The following KIAA1328 variants were observed in gnomAD, a reference collection of about 807,000 sequenced individuals.
KIAA1328 encodes the protein protein hinderin.
A neutral mutation model predicts 68.1 loss-of-function variants in KIAA1328; 52 were observed. The observed-to-expected ratio is 0.76, with a 90% confidence interval of 0.61 to 0.96. KIAA1328 has a LOEUF of 0.96. KIAA1328 is among the 40% of genes least tolerant of loss of function. The pLI, the probability that KIAA1328 is intolerant of heterozygous loss-of-function variation, is 0.00. For missense variants in KIAA1328, 641 were observed against 677.6 expected, an observed-to-expected ratio of 0.95 and a Z score of 0.60; for synonymous variants, 232 against 239.4, an observed-to-expected ratio of 0.97 and a Z score of 0.28.
intron 5 of KIAA1328, among the ~76,000 whole-genome samples, chr18:36,942,317 A>G (rs1258785987): frequency 6.6e-6 from 1 of 152,212 alleles, no homozygotes. Flanking sequence ...ATTGCTTCCA[A>G]ATACATCAAA....
At chr18:36,968,259 C>G (rs938546687) in intron 6 of KIAA1328, among the ~76,000 whole-genome samples, 18 of 152,116 alleles carry the variant, frequency 1.2e-4, no homozygotes, top group Non-Finnish European at 2.5e-4. Context: ...ATCAAATCCA[C>G]ACATATCAAT....
intron 6 of KIAA1328, among the ~76,000 whole-genome samples, chr18:36,978,118 G>GT (rs1435578966): frequency 6.6e-6 from 1 of 152,172 alleles, no homozygotes; most frequent in Non-Finnish European, 1.5e-5. Context: ...AAGGGAAAAG[G>GT]TAAAGTCTGG....
intron 5 of KIAA1328, among the ~76,000 whole-genome samples, chr18:36,917,103 G>A (rs950803786): frequency 6.6e-6 from 1 of 152,110 alleles, no homozygotes; most frequent in Non-Finnish European, 1.5e-5. Context: ...TAGAATGGTT[G>A]GAAGGTCAGA....
intron 9 of KIAA1328, among the ~76,000 whole-genome samples, chr18:37,202,789 T>C (rs562948674): frequency 1.3e-5 from 2 of 152,300 alleles, no homozygotes; most frequent in South Asian, 4.1e-4. Flanking sequence ...CCATTATTAT[T>C]TGACAATGTG....
chr18:36,995,368 T>G (rs2053349184), intron 6 of KIAA1328, among the ~76,000 whole-genome samples: 1 of 152,180 alleles, frequency 6.6e-6, no homozygotes, highest in African/African-American at 2.4e-5. Context: ...TGATGGACAT[T>G]TGGGTTGGCT....
chr18:36,902,332 T>G (rs1238987743), intron 5 of KIAA1328: 1 of 152,068 alleles, frequency 6.6e-6, no homozygotes, highest in African/African-American at 2.4e-5. Flanking sequence ...AAAATACCAT[T>G]TACATTTTTT....
intron 7 of KIAA1328, among the ~76,000 whole-genome samples, chr18:37,138,266 A>G (rs942260199): frequency 6.6e-6 from 1 of 152,224 alleles, no homozygotes; most frequent in Non-Finnish European, 1.5e-5. Context: ...AATGAGGCCC[A>G]GAGAGGTTAA....
intron 6 of KIAA1328, among the ~76,000 whole-genome samples, chr18:37,005,576 AT>A (rs1194868488): frequency 2.0e-5 from 3 of 152,138 alleles, no homozygotes; most frequent in African/African-American, 7.2e-5. Flanking sequence ...AGAATTACTA[AT>A]TGAACCACTA....
chr18:36,833,322 G>C (rs2046561608), intron 1 of KIAA1328: 1 of 152,144 alleles, frequency 6.6e-6, no homozygotes, highest in Non-Finnish European at 1.5e-5. Flanking sequence ...GTCCTAAAGT[G>C]AGCCATGAAG....
rs558896606 is a variant in KIAA1328, at chr18:37,103,724, AG to A, written c.1232+36180del. Among the ~76,000 whole-genome samples the A allele has an allele frequency of 4.5e-4, 69 of 152,222 alleles. 1 individual carries two copies. The highest frequency in any genetic ancestry group is 2.9e-3 in the South Asian group (14 of 4,814). On this transcript the variant is annotated intron_variant, in intron 7 of 9. Coordinates refer to ENST00000280020, the MANE Select transcript of KIAA1328 (RefSeq NM_020776.3). Reference sequence around the variant, plus strand: ...AACAGAATGAAAAGAAACCCTGTATAGTAGAAGAAAGTATATACAAAGTATT... The same window carrying A: ...AACAGAATGAAAAGAAACCCTGTATATAGAAGAAAGTATATACAAAGTATT...
chr18:36,872,605 C>G (rs980989296), intron 4 of KIAA1328, among the ~76,000 whole-genome samples: 1 of 152,062 alleles, frequency 6.6e-6, no homozygotes, highest in Non-Finnish European at 1.5e-5. Flanking sequence ...AAAACCAAGC[C>G]AAAGGAAAAG....
intron 5 of KIAA1328, among the ~76,000 whole-genome samples, chr18:36,919,332 A>G (rs2049831490): frequency 6.6e-6 from 1 of 152,138 alleles, no homozygotes; most frequent in Non-Finnish European, 1.5e-5. Context: ...TATAGACAGC[A>G]TATAGTTACA....
intron 9 of KIAA1328, among the ~76,000 whole-genome samples, chr18:37,209,022 G>T (rs999011043): frequency 6.6e-6 from 1 of 152,146 alleles, no homozygotes; most frequent in African/African-American, 2.4e-5. Context: ...ACAGGGTATT[G>T]GTTGTATTAA....
At chr18:37,112,515 A>C (rs1426893211) in intron 7 of KIAA1328, among the ~76,000 whole-genome samples, 1 of 152,220 alleles carries the variant, frequency 6.6e-6, no homozygotes, top group East Asian at 1.9e-4. Flanking sequence ...ACCATCATGA[A>C]AGACCAAAGG....
At chr18:36,927,832 GGAAA>G (rs1242677184) in intron 5 of KIAA1328, among the ~76,000 whole-genome samples, 5 of 149,368 alleles carry the variant, frequency 3.3e-5, no homozygotes, top group Non-Finnish European at 7.4e-5. Flanking sequence ...AAGAAAGAAA[GGAAA>G]GAAGGAAGGG....
chr18:37,225,393 C>A, downstream of KIAA1328: 1 of 826,144 alleles, frequency 1.2e-6, no homozygotes, highest in Non-Finnish European at 1.5e-6. Flanking sequence ...TGAGGCATAG[C>A]TTGAAAGCAA....
chr18:37,088,178 A>G (rs1360369059), intron 7 of KIAA1328, among the ~76,000 whole-genome samples: 1 of 152,094 alleles, frequency 6.6e-6, no homozygotes, highest in East Asian at 1.9e-4. Context: ...GTTGAGTTTC[A>G]ACTGAGACAC....
chr18:37,155,229 T>C (rs975337556), intron 7 of KIAA1328, among the ~76,000 whole-genome samples: 1 of 152,202 alleles, frequency 6.6e-6, no homozygotes, highest in Non-Finnish European at 1.5e-5. Context: ...AAATTGAAAT[T>C]GAAGCATATT....
intron 6 of KIAA1328, among the ~76,000 whole-genome samples, chr18:37,021,904 G>GT (rs1350482021): frequency 6.6e-6 from 1 of 152,030 alleles, no homozygotes; most frequent in Non-Finnish European, 1.5e-5. Context: ...GCTGGACATG[G>GT]TGGCGGGTGA....
Sources: gnomAD v4.1 joint callset for allele counts (sites outside exome capture counted in the v4.1 genomes callset) on GRCh38, gnomAD v4.1.1 for gene constraint, MANE v1.5 for transcripts, NCBI Gene and HGNC (gene_info 2026-07-23, HGNC 2026-07-21) for gene names.